COG5: variants seen among roughly 807,000 people sequenced by gnomAD.
COG5 encodes the protein component of oligomeric golgi complex 5, also known as conserved oligomeric Golgi complex subunit 5.
Under a neutral mutation model 110.4 loss-of-function variants are expected in COG5, and 86 were observed. The observed-to-expected ratio is 0.78, with a 90% CI of 0.65 to 0.93. The LOEUF is 0.93. COG5 is among the 40% of genes least tolerant of loss of function. The pLI is 0.00. For missense variants in COG5, 1,077 were observed against 987.0 expected, an observed-to-expected ratio of 1.09 and a Z score of -1.22; for synonymous variants, 360 against 334.6, an observed-to-expected ratio of 1.08 and a Z score of -0.83.
chr7:107,342,082 C>A (rs1321163431), intron 10 of COG5, among the ~76,000 whole-genome samples: 1 of 152,012 alleles, frequency 6.6e-6, no homozygotes, highest in Non-Finnish European at 1.5e-5. Context: ...AAAGAGTAAA[C>A]CAACAACCCA....
Position 107,390,376 on chromosome 7 carries a change from G to A in COG5, c.670-17616C>T, listed in dbSNP as rs542221618. ...GGTATAGATAAAAAAATTCTTGCAC[G>A]TCTGCAAGCCCTCGAGGCTGCTTTG... On this transcript the variant is annotated intron_variant, in intron 7 of 21. Coordinates refer to ENST00000297135, the MANE Select transcript of COG5 (RefSeq NM_006348.5). Among the ~76,000 whole-genome samples the A allele has an allele frequency of 3.3e-5, 5 of 152,192 alleles. No individual in the cohort carries two copies. The East Asian group carries it at 7.8e-4, about 24-fold the overall frequency.
intron 17 of COG5, among the ~76,000 whole-genome samples, chr7:107,241,393 C>CAT (rs150123583): frequency 0.098 from 14,220 of 145,550 alleles, 982 homozygotes; most frequent in African/African-American, 0.2. Context: ...TTCTGTGCTT[C>CAT]ATATATATAT....
At chr7:107,522,619 AG>A (rs1800419051) in intron 6 of COG5, among the ~76,000 whole-genome samples, 1 of 152,170 alleles carries the variant, frequency 6.6e-6, no homozygotes, top group Non-Finnish European at 1.5e-5. Context: ...AAAGAAGAAA[AG>A]AAAAAAATAA....
At chr7:107,318,326 G>A (rs1222891537) in intron 11 of COG5, among the ~76,000 whole-genome samples, 3 of 152,036 alleles carry the variant, frequency 2.0e-5, no homozygotes, top group South Asian at 2.1e-4. Context: ...GCACCTGGCC[G>A]CCAATGGCTT....
chr7:107,458,098 T>C (rs1795775345), intron 6 of COG5, among the ~76,000 whole-genome samples: 1 of 152,210 alleles, frequency 6.6e-6, no homozygotes, highest in Non-Finnish European at 1.5e-5. Context: ...ACAAAACATT[T>C]TTTGAATGAT....
At chr7:107,430,656 G>T (rs1055539078) in intron 6 of COG5, among the ~76,000 whole-genome samples, 1 of 152,140 alleles carries the variant, frequency 6.6e-6, no homozygotes, top group Non-Finnish European at 1.5e-5. Context: ...ACACCAATTC[G>T]GATTCTGATA....
chr7:107,504,204 T>C (rs578250875), intron 6 of COG5, among the ~76,000 whole-genome samples: 1 of 152,202 alleles, frequency 6.6e-6, no homozygotes, highest in Non-Finnish European at 1.5e-5. Context: ...TTTTTTATCA[T>C]AAAAGGATGC....
chr7:107,429,339 T>C (rs1793856788), intron 6 of COG5, among the ~76,000 whole-genome samples: 1 of 152,206 alleles, frequency 6.6e-6, no homozygotes, highest in Non-Finnish European at 1.5e-5. Context: ...TAAAGTGGTA[T>C]ATCATTGTGG....
intron 11 of COG5, among the ~76,000 whole-genome samples, chr7:107,310,890 C>T (rs745949258): frequency 3.3e-5 from 5 of 151,890 alleles, no homozygotes; most frequent in Admixed American, 1.3e-4. Context: ...TCATTAATCT[C>T]GACTGGCATC....
chr7:107,428,650 G>A (rs992277686), intron 6 of COG5, among the ~76,000 whole-genome samples: 1 of 152,174 alleles, frequency 6.6e-6, no homozygotes, highest in African/African-American at 2.4e-5. Context: ...TGAGTAATGT[G>A]CTGCAGTAGC....
rs1382983090 is a variant in COG5, at chr7:107,247,800, C to A, written c.1853+596G>T. ...ATGGATGAGCAAGACACATATGAAA[C>A]AGGTTTGGAATAACACCATAGTGTT... On this transcript the variant is annotated intron_variant, in intron 17 of 21. Transcript: ENST00000297135. Among the ~76,000 whole-genome samples the A allele has an allele frequency of 2.6e-5, 4 of 152,106 alleles. No individual in the cohort carries two copies. The East Asian group carries it at 7.7e-4, about 29-fold the overall frequency.
intron 6 of COG5, among the ~76,000 whole-genome samples, chr7:107,447,195 C>T (rs1795058014): frequency 6.6e-6 from 1 of 152,142 alleles, no homozygotes; most frequent in Non-Finnish European, 1.5e-5. Context: ...TCCCTACTTC[C>T]ATCTCACGCT....
intron 10 of COG5, among the ~76,000 whole-genome samples, chr7:107,337,822 A>T (rs1810834265): frequency 1.3e-5 from 2 of 152,172 alleles, no homozygotes; most frequent in African/African-American, 2.4e-5. Flanking sequence ...CCACATGGAA[A>T]TAGGTACCTG....
intron 5 of COG5, among the ~76,000 whole-genome samples, chr7:107,538,913 TA>T (rs1391963399): frequency 3.3e-5 from 5 of 152,198 alleles, no homozygotes; most frequent in Admixed American, 3.3e-4. Flanking sequence ...CATAAAATGA[TA>T]TATTATTTGA....
rs906248295 is a variant in COG5 at position 107,427,325 on chromosome 7, CT to C, written c.539-14694del. Among the ~76,000 whole-genome samples, 53 of 152,272 alleles carry C rather than the reference CT, an allele frequency of 3.5e-4. 1 individual carries two copies. The highest frequency in any genetic ancestry group is 1.1e-3 in the African/African-American group (45 of 41,558). ...TACATCAAAATTGACATGGCCCAAA[CT>C]TGATAATTTCTTCTCTTATTCACTT... On this transcript the variant is annotated intron_variant, in intron 6 of 21. Coordinates refer to ENST00000297135, the MANE Select transcript of COG5 (RefSeq NM_006348.5).
chr7:107,519,837 A>C (rs1308869664), intron 6 of COG5, among the ~76,000 whole-genome samples: 1 of 152,166 alleles, frequency 6.6e-6, no homozygotes, highest in Non-Finnish European at 1.5e-5. Context: ...CAGAGACACA[A>C]CAAAAAAAGA....
At chr7:107,542,091 A>C (rs570484901) in intron 5 of COG5, among the ~76,000 whole-genome samples, 5 of 152,184 alleles carry the variant, frequency 3.3e-5, no homozygotes, top group African/African-American at 7.2e-5. Flanking sequence ...GGCAATATAC[A>C]ATATCTTCAT....
chr7:107,388,587 G>C lies in COG5; in HGVS notation c.670-15827C>G, dbSNP rs185256706. 2.0e-3 allele frequency among the ~76,000 whole-genome samples: 308 copies of C among 152,268 alleles called. 2 individuals are homozygous for C. The highest frequency in any genetic ancestry group is 7.0e-3 in the African/African-American group (291 of 41,540). On this transcript the variant is annotated intron_variant, in intron 7 of 21. Transcript: ENST00000297135. ...AGACCCTGCAACACTATTGGCACAA[G>C]CCTTATTTACCCTTAAGTTTTTAAA...
intron 6 of COG5, among the ~76,000 whole-genome samples, chr7:107,419,141 G>A (rs183156668): frequency 6.6e-6 from 1 of 152,204 alleles, no homozygotes; most frequent in Admixed American, 6.5e-5. Flanking sequence ...TGCTAATAAG[G>A]TGTAATATAA....
Sources: allele counts gnomAD v4.1 joint callset (sites outside exome capture counted in the v4.1 genomes callset), GRCh38; gene constraint gnomAD v4.1.1; transcripts MANE v1.5; gene names NCBI Gene and HGNC (gene_info 2026-07-23, HGNC 2026-07-21).